The following DIAPH2 variants were observed in gnomAD, a reference collection of about 807,000 sequenced individuals.
The protein encoded by DIAPH2 is diaphanous related formin 2.
A neutral mutation model predicts 92.7 loss-of-function variants in DIAPH2; 35 were observed. The ratio of observed to expected loss-of-function variants is 0.38; its 90% CI spans 0.29 to 0.50. The LOEUF is 0.50. DIAPH2 is among the 20% of genes least tolerant of loss of function. The probability of loss-of-function intolerance (pLI) is 0.94; values close to 1 mark genes in which losing one functional copy is unlikely to be tolerated. For missense variants in DIAPH2, 701 were observed against 819.5 expected (o/e 0.86, Z 1.77); for synonymous variants, 301 against 280.4 (o/e 1.07, Z -0.73).
At chrX:97,141,488 C>A (rs778069048) in intron 21 of DIAPH2, among the ~76,000 whole-genome samples, 177 bp from the exon 22 acceptor site, 1 of 111,364 alleles carries the variant, frequency 9.0e-6, no homozygotes, top group Non-Finnish European at 1.9e-5. Context: ...ATCTTACTTG[C>A]TTTTAAAATA....
At chrX:97,515,434 C>T (rs775337549) in intron 26 of DIAPH2, among the ~76,000 whole-genome samples, 94 of 112,189 alleles carry the variant, frequency 8.4e-4, no homozygotes, top group African/African-American at 2.9e-3. Flanking sequence ...GAGATGAACC[C>T]GGTACCTCAG....
intron 26 of DIAPH2, among the ~76,000 whole-genome samples, chrX:97,473,374 G>A (rs1006160848): frequency 1.5e-4 from 17 of 110,895 alleles, no homozygotes; most frequent in Non-Finnish European, 1.9e-4. Flanking sequence ...TTGCTGTGTC[G>A]CCCAGGCTGG....
intron 17 of DIAPH2, among the ~76,000 whole-genome samples, chrX:97,070,628 T>C (rs1219318353): frequency 1.8e-5 from 2 of 111,806 alleles, no homozygotes; most frequent in Non-Finnish European, 3.8e-5. Flanking sequence ...ATGGCAAAAA[T>C]ATGATTAGTT....
intron 26 of DIAPH2, among the ~76,000 whole-genome samples, chrX:97,458,668 T>G (rs1300020292): frequency 8.9e-6 from 1 of 111,759 alleles, no homozygotes; most frequent in Admixed American, 9.5e-5. Context: ...TTTGTTATAT[T>G]AGCAGCCACT....
chrX:97,426,743 GA>G (rs1404926227), intron 25 of DIAPH2, among the ~76,000 whole-genome samples: 1 of 112,185 alleles, frequency 8.9e-6, no homozygotes, highest in East Asian at 2.8e-4. Context: ...TGTAGCTATT[GA>G]GTGCCTGAAA....
At chrX:97,060,189 A>G (rs1259239940) in intron 17 of DIAPH2, among the ~76,000 whole-genome samples, 1 of 112,567 alleles carries the variant, frequency 8.9e-6, no homozygotes, top group Non-Finnish European at 1.9e-5. Flanking sequence ...GGGAAGCAAC[A>G]ATGATCCCCC....
chrX:97,054,044 C>T (rs2066538820), intron 17 of DIAPH2, among the ~76,000 whole-genome samples: 1 of 111,517 alleles, frequency 9.0e-6, no homozygotes, highest in Non-Finnish European at 1.9e-5. Context: ...ACACATATGT[C>T]AGCTGTTAAG....
At chrX:96,988,426 C>CT (rs1174961716) in intron 17 of DIAPH2, among the ~76,000 whole-genome samples, 20 of 103,674 alleles carry the variant, frequency 1.9e-4, no homozygotes, top group South Asian at 4.3e-4. Context: ...GGATGCAGTA[C>CT]TTTTTTTTTT....
intron 22 of DIAPH2, among the ~76,000 whole-genome samples, chrX:97,212,943 A>G (rs1237823655): frequency 9.0e-6 from 1 of 111,646 alleles, no homozygotes; most frequent in Non-Finnish European, 1.9e-5. Flanking sequence ...GAAGTTTTGG[A>G]TATTTTTATC....
At chrX:97,325,000 A>T (rs1490437276) in intron 23 of DIAPH2, among the ~76,000 whole-genome samples, 7 of 111,266 alleles carry the variant, frequency 6.3e-5, no homozygotes, top group Admixed American at 1.9e-4. Context: ...GGGTTTTGCC[A>T]TGTTGGCCAG....
At chrX:97,091,102 G>T (rs1367381624) in intron 19 of DIAPH2, among the ~76,000 whole-genome samples, 1 of 110,570 alleles carries the variant, frequency 9.0e-6, no homozygotes, top group Non-Finnish European at 1.9e-5. Context: ...GACCTCCCAG[G>T]CTCAAGCGAT....
intron 26 of DIAPH2, among the ~76,000 whole-genome samples, chrX:97,481,750 G>A (rs1358456700): frequency 9.0e-6 from 1 of 111,352 alleles, no homozygotes; most frequent in African/African-American, 3.3e-5. Context: ...GAAAAACAGT[G>A]TATGCATGTC....
chrX:97,214,353 C>T (rs1173718886), intron 22 of DIAPH2, among the ~76,000 whole-genome samples: 1 of 110,888 alleles, frequency 9.0e-6, no homozygotes, highest in African/African-American at 3.3e-5. Context: ...CCTCTACTCC[C>T]ACCTACTCAG....
chrX:97,586,910 T>TC (rs1034074036), intron 26 of DIAPH2, among the ~76,000 whole-genome samples: 9 of 111,980 alleles, frequency 8.0e-5, no homozygotes, highest in African/African-American at 2.9e-4. Flanking sequence ...TATCAGGGGA[T>TC]CCAATATAAT....
At chrX:97,391,927 TA>T (rs916642946) in intron 25 of DIAPH2, among the ~76,000 whole-genome samples, 1 of 111,373 alleles carries the variant, frequency 9.0e-6, no homozygotes, top group Non-Finnish European at 1.9e-5. Context: ...GTTAAATCCA[TA>T]AAAAAATACC....
intron 26 of DIAPH2, chrX:97,528,358 G>T (rs1238830602): frequency 8.9e-6 from 1 of 112,053 alleles, no homozygotes; most frequent in Non-Finnish European, 1.9e-5. Flanking sequence ...AATACCTGAG[G>T]CTGGGTAATT....
intron 22 of DIAPH2, among the ~76,000 whole-genome samples, chrX:97,171,982 A>G (rs2067457956): frequency 9.0e-6 from 1 of 110,879 alleles, no homozygotes; most frequent in African/African-American, 3.3e-5. Flanking sequence ...ATTGAATTGT[A>G]GGTCATGTAA....
At chrX:97,246,523 G>A (rs1421373235) in intron 22 of DIAPH2, among the ~76,000 whole-genome samples, 2 of 111,928 alleles carry the variant, frequency 1.8e-5, no homozygotes, top group Non-Finnish European at 3.8e-5. Flanking sequence ...GTTAGTGTTT[G>A]ATTTTTAGTC....
intron 1 of DIAPH2, among the ~76,000 whole-genome samples, chrX:96,728,328 G>A (rs776217734): frequency 1.2e-3 from 131 of 109,922 alleles, no homozygotes; most frequent in African/African-American, 4.1e-3. Context: ...TCCTGCCTCA[G>A]TCTCCCAAGT....
Sources: allele counts gnomAD v4.1 joint callset (sites outside exome capture counted in the v4.1 genomes callset), GRCh38; gene constraint gnomAD v4.1.1; transcripts MANE v1.5; gene names NCBI Gene and HGNC (gene_info 2026-07-23, HGNC 2026-07-21).